The following CPED1 variants were observed in gnomAD, a reference collection of about 807,000 sequenced individuals.
CPED1 encodes cadherin-like and PC-esterase domain-containing protein 1.
Under a neutral mutation model 128.2 loss-of-function variants are expected in CPED1, and 114 were observed. The observed-to-expected ratio is 0.89, with a 90% confidence interval of 0.76 to 1.04. The LOEUF is 1.04. Among genes scored for constraint, CPED1 ranks in the 50% least tolerant of loss-of-function variants. CPED1 has a pLI of 0.00. For synonymous variants in CPED1, 462 were observed against 426.7 expected, an observed-to-expected ratio of 1.08 and a Z score of -1.02; for missense variants, 1,211 against 1,207.1, an observed-to-expected ratio of 1.00 and a Z score of -0.05.
chr7:121,210,543 A>G (rs1293136962), intron 16 of CPED1, among the ~76,000 whole-genome samples: 1 of 152,092 alleles, frequency 6.6e-6, no homozygotes, highest in Non-Finnish European at 1.5e-5. Flanking sequence ...GCAAAATGAG[A>G]TAAACCAAGC....
chr7:121,140,760 A>G, intron 14 of CPED1, 67 bp from the exon 15 acceptor site: 4 of 1,124,888 alleles, frequency 3.6e-6, no homozygotes, highest in South Asian at 1.4e-5. Flanking sequence ...AAACCTAATC[A>G]TATATTATTT....
intron 18 of CPED1, among the ~76,000 whole-genome samples, chr7:121,264,207 T>A (rs2116741186): frequency 6.6e-6 from 1 of 152,164 alleles, no homozygotes; most frequent in East Asian, 1.9e-4. Flanking sequence ...GAAAATTAAT[T>A]TCTGTTGTTG....
chr7:121,201,036 CAT>C, intron 16 of CPED1, among the ~76,000 whole-genome samples: 1 of 152,150 alleles, frequency 6.6e-6, no homozygotes, highest in East Asian at 1.9e-4. Context: ...TTCACTGTAA[CAT>C]GTGTGGGTGT....
At chr7:121,108,714 TGGAATAC>T (rs1323824028) in intron 7 of CPED1, among the ~76,000 whole-genome samples, 2 of 152,042 alleles carry the variant, frequency 1.3e-5, no homozygotes, top group Non-Finnish European at 2.9e-5. Flanking sequence ...TTATGGAATA[TGGAATAC>T]TGACTTAGAA....
intron 17 of CPED1, among the ~76,000 whole-genome samples, chr7:121,242,601 T>C (rs1276413933): frequency 6.6e-6 from 1 of 152,166 alleles, no homozygotes; most frequent in East Asian, 1.9e-4. Context: ...TAGAAAGTAT[T>C]TAGTAGATAG....
rs145115911 is a variant in CPED1, at chr7:121,190,858, A to G, written c.2056-45856A>G. ...ATTTAGCAAACACATAAAATCTGAA[A>G]CCTGAATGTGATGACAGGATTTTAT... On this transcript the variant is annotated intron_variant, in intron 16 of 22. Transcript: ENST00000310396. Among the ~76,000 whole-genome samples the G allele has an allele frequency of 3.3e-3, 498 of 152,220 alleles. 5 individuals are homozygous for G. Among genetic ancestry groups the G allele is most frequent in the Admixed American group, 0.028 (427 of 15,274 alleles).
chr7:121,153,807 T>C lies in CPED1; in HGVS notation c.2055+11666T>C, dbSNP rs113294088. Among the ~76,000 whole-genome samples the C allele has an allele frequency of 3.8e-4, 58 of 152,182 alleles. 1 individual carries two copies. The highest frequency in any genetic ancestry group is 1.3e-3 in the African/African-American group (53 of 41,540). On this transcript the variant is annotated intron_variant, in intron 16 of 22. Coordinates refer to ENST00000310396, the MANE Select transcript of CPED1 (RefSeq NM_024913.5). ...TTATAAGCGGATTTTAAAAAATAAA[T>C]ATATTGAAAAATTTTTTGAAGATTT...
chr7:121,173,682 G>A (rs1183753608), intron 16 of CPED1, among the ~76,000 whole-genome samples: 3 of 152,066 alleles, frequency 2.0e-5, no homozygotes, highest in Non-Finnish European at 2.9e-5. Context: ...GAATAGTGCT[G>A]TAATGAACAT....
At chr7:121,226,778 A>G (rs1798024741) in intron 16 of CPED1, among the ~76,000 whole-genome samples, 1 of 152,084 alleles carries the variant, frequency 6.6e-6, no homozygotes, top group South Asian at 2.1e-4. Flanking sequence ...GTGACTTTAG[A>G]TAGATTATCA....
chr7:121,026,788 G>A (rs1383642443), intron 3 of CPED1, among the ~76,000 whole-genome samples: 1 of 144,342 alleles, frequency 6.9e-6, no homozygotes, highest in Non-Finnish European at 1.5e-5. Context: ...TTGCATTGAT[G>A]TTGAGGTTTT....
chr7:121,097,794 C>G lies in CPED1; in HGVS notation c.712C>G (p.Arg238Gly), dbSNP rs776401422. The G allele has an allele frequency of 5.6e-6, 9 of 1,613,750 alleles. No individual in the cohort carries two copies. In the South Asian group the frequency reaches 6.6e-5, roughly 12 times the overall value. ...SSHLLKTVKP[R>G]VWKPGDWSRE... ...TCACCTTTTAAAAACAGTGAAGCCACGTGTGTGGAAACCAGGGGACTGGAG... is the reference window on the plus strand; with the variant it reads ...TCACCTTTTAAAAACAGTGAAGCCAGGTGTGTGGAAACCAGGGGACTGGAG... Residue 238 changes from arginine to glycine, a missense_variant, in exon 6 of 23, where the codon CGT becomes GGT. Physicochemically the swap from Arg to Gly is moderately radical, Grantham distance 125. Coordinates refer to ENST00000310396, the MANE Select transcript of CPED1 (RefSeq NM_024913.5).
At chr7:121,101,333 T>G (rs565014959) in intron 7 of CPED1, among the ~76,000 whole-genome samples, 5 of 152,284 alleles carry the variant, frequency 3.3e-5, no homozygotes, top group South Asian at 4.1e-4. Context: ...CTGGATTTAT[T>G]TCTTTTATTA....
chr7:121,153,565 T>C (rs576842520), intron 16 of CPED1, among the ~76,000 whole-genome samples: 1 of 152,344 alleles, frequency 6.6e-6, no homozygotes, highest in Non-Finnish European at 1.5e-5. Context: ...GATACTTTAA[T>C]AACTCCCATT....
intron 3 of CPED1, among the ~76,000 whole-genome samples, chr7:121,031,914 A>T (rs1299160546): frequency 1.3e-5 from 2 of 152,216 alleles, no homozygotes; most frequent in African/African-American, 2.4e-5. Flanking sequence ...ATAAAAACTT[A>T]AGGAAAGATA....
chr7:121,291,247 G>T (rs1792695495), intron 22 of CPED1, among the ~76,000 whole-genome samples: 1 of 152,142 alleles, frequency 6.6e-6, no homozygotes, highest in African/African-American at 2.4e-5. Context: ...GATGCCTCCA[G>T]CTTTGTTCTT....
At chr7:121,198,040 A>AT (rs1387230294) in intron 16 of CPED1, among the ~76,000 whole-genome samples, 1 of 152,190 alleles carries the variant, frequency 6.6e-6, no homozygotes, top group Non-Finnish European at 1.5e-5. Flanking sequence ...TCTAATAACA[A>AT]TGTGTGGTTA....
chr7:121,228,150 G>T (rs1524504), intron 16 of CPED1, among the ~76,000 whole-genome samples: 149,884 of 152,200 alleles, frequency 0.98, 73,846 homozygotes, highest in East Asian at 1. Flanking sequence ...AATAGACTAA[G>T]AAGACTTAAT....
intron 2 of CPED1, among the ~76,000 whole-genome samples, chr7:120,990,144 TG>T (rs1772517004): frequency 1.3e-5 from 2 of 152,206 alleles, no homozygotes; most frequent in South Asian, 4.1e-4. Context: ...CATAAAATGA[TG>T]TGGATTCTTT....
At chr7:121,182,200 C>CTTTT (rs3068074) in intron 16 of CPED1, among the ~76,000 whole-genome samples, 4 of 140,058 alleles carry the variant, frequency 2.9e-5, no homozygotes, top group East Asian at 4.2e-4. Flanking sequence ...TCGATGAGAG[C>CTTTT]TTTTTTTTTT....
Sources: gnomAD v4.1 joint callset for allele counts (sites outside exome capture counted in the v4.1 genomes callset) on GRCh38, gnomAD v4.1.1 for gene constraint, MANE v1.5 for transcripts, NCBI Gene and HGNC (gene_info 2026-07-23, HGNC 2026-07-21) for gene names.